FIGN: variants seen among roughly 807,000 people sequenced by gnomAD.
FIGN encodes fidgetin.
Under a neutral mutation model 51.3 loss-of-function variants are expected in FIGN, and 11 were observed. That is an observed-to-expected ratio of 0.21 (90% confidence interval 0.13 to 0.35). The LOEUF is 0.35. FIGN is among the 10% of genes least tolerant of loss of function. FIGN has a pLI of 1.00. For missense variants in FIGN, 857 were observed against 943.6 expected (o/e 0.91, Z 1.20); for synonymous variants, 407 against 363.2 (o/e 1.12, Z -1.37).
intron 2 of FIGN, among the ~76,000 whole-genome samples, chr2:163,705,041 G>A (rs1304900930): frequency 6.6e-6 from 1 of 152,042 alleles, no homozygotes; most frequent in Non-Finnish European, 1.5e-5. Context: ...AAGAATTATG[G>A]TGAATTCTGT....
chr2:163,609,665 G>T lies in FIGN; in HGVS notation c.2167C>A (p.Pro723Thr). Reference protein sequence around the residue: ...LSAIMPSQLRPVTYQDFENAF... With the variant: ...LSAIMPSQLRTVTYQDFENAF... The stretch of plus-strand genomic sequence containing the variant: ...TTTTCAAAGTCTTGATATGTAACGG[G>T]CCTCAACTGGCTGGGCATAATGGCT... The change falls in exon 3 of 3, where the codon CCC (proline) becomes ACC (threonine). Residue 723 changes from proline (P) to threonine (T), a missense_variant. Coordinates refer to ENST00000333129, the MANE Select transcript of FIGN (RefSeq NM_018086.4). 3 of 1,614,096 alleles carry T rather than the reference G, an allele frequency of 1.9e-6. No homozygotes were observed. The East Asian group carries it at 6.7e-5, about 36-fold the overall frequency.
chr2:163,630,414 C>A (rs1370062990), intron 2 of FIGN, among the ~76,000 whole-genome samples: 1 of 151,994 alleles, frequency 6.6e-6, no homozygotes, highest in East Asian at 1.9e-4. Context: ...GTCAGTAGAC[C>A]TATGTTCATG....
chr2:163,721,599 T>C (rs1021024400), intron 2 of FIGN, among the ~76,000 whole-genome samples: 2 of 152,202 alleles, frequency 1.3e-5, no homozygotes, highest in Admixed American at 1.3e-4. Context: ...TAAGCAACAT[T>C]TGTCCATTAT....
rs746785083 is a variant in FIGN, at chr2:163,610,453, T to C, written c.1379A>G (p.Gln460Arg). ...GAGGTGCGTGTCAGTATTCTTCAGT[T>C]GCTCGTCCACAGAGTGGTTGGATGA... is the stretch of plus-strand genomic sequence containing the variant. ...ATSSNHSVDE[Q>R]LKNTDTHLID... The change falls in exon 3 of 3, where the codon CAA becomes CGA. Residue 460 changes from glutamine (Q) to arginine (R), a missense_variant. Gln to Arg is a conservative substitution (Grantham distance 43, BLOSUM62 1). Coordinates refer to ENST00000333129, the MANE Select transcript of FIGN (RefSeq NM_018086.4). 1 of 1,614,066 alleles carries C rather than the reference T, an allele frequency of 6.2e-7. No homozygotes were observed. Among genetic ancestry groups the C allele is most frequent in the Non-Finnish European group, 8.5e-7 (1 of 1,180,046 alleles).
chr2:163,712,214 T>A (rs1319500832), intron 2 of FIGN, among the ~76,000 whole-genome samples: 1 of 152,190 alleles, frequency 6.6e-6, no homozygotes, highest in Non-Finnish European at 1.5e-5. Flanking sequence ...TGAATTACCA[T>A]TAAATTGTAA....
At chr2:163,735,498 C>T (rs930377460) in intron 1 of FIGN, among the ~76,000 whole-genome samples, 7 of 152,144 alleles carry the variant, frequency 4.6e-5, no homozygotes, top group Non-Finnish European at 7.4e-5. Flanking sequence ...CCTATGGCTC[C>T]GCTTTCTTAT....
intron 2 of FIGN, among the ~76,000 whole-genome samples, chr2:163,662,757 CCT>C (rs1485712135): frequency 2.9e-4 from 44 of 152,332 alleles, no homozygotes; most frequent in African/African-American, 1.0e-3. Context: ...CAGAATTCCC[CCT>C]GTTGTCAGAG....
At chr2:163,687,548 G>T (rs1240347239) in intron 2 of FIGN, among the ~76,000 whole-genome samples, 2 of 152,078 alleles carry the variant, frequency 1.3e-5, no homozygotes, top group Non-Finnish European at 2.9e-5. Flanking sequence ...AACTGAGACT[G>T]GTCAACTGAC....
chr2:163,661,455 G>A (rs1181324356), intron 2 of FIGN, among the ~76,000 whole-genome samples: 1 of 151,666 alleles, frequency 6.6e-6, no homozygotes, highest in East Asian at 2.0e-4. Context: ...GGAGTACAAT[G>A]GTGTGATCTC....
intron 2 of FIGN, among the ~76,000 whole-genome samples, chr2:163,700,823 C>T (rs1040979159): frequency 2.0e-5 from 3 of 152,110 alleles, no homozygotes; most frequent in African/African-American, 7.2e-5. Flanking sequence ...CTCACTGAAA[C>T]AGGGCCCAGG....
chr2:163,710,562 T>C (rs1684571900), intron 2 of FIGN, among the ~76,000 whole-genome samples: 1 of 152,214 alleles, frequency 6.6e-6, no homozygotes, highest in Admixed American at 6.5e-5. Context: ...TAAAGCAAAA[T>C]GCAGGCAGAC....
intron 2 of FIGN, among the ~76,000 whole-genome samples, chr2:163,658,680 G>A (rs1683603610): frequency 6.6e-6 from 1 of 152,058 alleles, no homozygotes; most frequent in South Asian, 2.1e-4. Flanking sequence ...AACTAAGAGT[G>A]AGCACTCACT....
intron 2 of FIGN, among the ~76,000 whole-genome samples, chr2:163,712,016 C>G (rs140823539): frequency 4.6e-4 from 70 of 152,220 alleles, no homozygotes; most frequent in African/African-American, 1.4e-3. Flanking sequence ...CACTCCCCAC[C>G]TACCACCCTC....
In FIGN at chr2:163,611,691, C is replaced by T; in HGVS notation, c.141G>A (p.Gln47=). The T allele has an allele frequency of 6.2e-7, 1 of 1,614,178 alleles. No individual in the cohort carries two copies. The highest frequency in any genetic ancestry group is 8.5e-7 in the Non-Finnish European group (1 of 1,180,024). ...TCGCCCAGGCGTACTGATAGGTGCG[C>T]TGCAGATGACCTCTGTAGGCTTCAA... ...HKVEAYRGHL[Q]RTYQYAWAND... is the part of the protein sequence containing the mutation. Residue 47 remains glutamine (Q), a synonymous_variant, in exon 3 of 3, where the codon CAG becomes CAA. Coordinates refer to ENST00000333129, the MANE Select transcript of FIGN (RefSeq NM_018086.4).
At chr2:163,642,229 C>T (rs1013653935) in intron 2 of FIGN, among the ~76,000 whole-genome samples, 1 of 152,196 alleles carries the variant, frequency 6.6e-6, no homozygotes, top group Admixed American at 6.5e-5. Context: ...TAGTTTCACA[C>T]ACTGTAAGCC....
intron 2 of FIGN, among the ~76,000 whole-genome samples, chr2:163,662,188 C>A (rs1032539815): frequency 6.6e-6 from 1 of 152,098 alleles, no homozygotes; most frequent in Non-Finnish European, 1.5e-5. Context: ...AGATGAGGAA[C>A]TTGTTGGGAA....
intron 2 of FIGN, among the ~76,000 whole-genome samples, chr2:163,710,337 G>A (rs752370299): frequency 1.1e-4 from 16 of 152,256 alleles, no homozygotes; most frequent in African/African-American, 3.4e-4. Context: ...CTACACTTTC[G>A]TGGAAATTAT....
intron 2 of FIGN, 38 bp downstream of exon 2, chr2:163,734,865 T>G: frequency 6.3e-7 from 1 of 1,590,130 alleles, no homozygotes; most frequent in Non-Finnish European, 8.6e-7. Flanking sequence ...GTCTTTCCTA[T>G]TTAGATGCAA....
Position 163,603,925 on chromosome 2 carries a change from T to A in FIGN, c.*5627A>T, listed in dbSNP as rs1434376734. 6.6e-6 allele frequency: 1 copy of A among 152,114 alleles called. No individual in the cohort carries two copies. Among genetic ancestry groups the A allele is most frequent in the Non-Finnish European group, 1.5e-5 (1 of 67,972 alleles). The allele number at this position is 152,114 out of a possible 1,614,324, so 9.4% of individuals were successfully genotyped here. A position where few individuals can be genotyped will look rare whatever the true frequency, so the allele number is the denominator to read the frequency against. On this transcript the variant is annotated 3_prime_UTR_variant, in exon 3 of 3. Coordinates refer to ENST00000333129, the MANE Select transcript of FIGN (RefSeq NM_018086.4). ...AAGTAATTCAATGTGCCATTAGTTG[T>A]ACAATTGCTTCAATAAACAAATACA...
Sources: allele counts gnomAD v4.1 joint callset (sites outside exome capture counted in the v4.1 genomes callset), GRCh38; gene constraint gnomAD v4.1.1; transcripts MANE v1.5; gene names NCBI Gene and HGNC (gene_info 2026-07-23, HGNC 2026-07-21).